The following THRB variants were observed in gnomAD, a reference collection of about 807,000 sequenced individuals.
The protein encoded by THRB is thyroid hormone receptor beta.
Under a neutral mutation model 47.8 loss-of-function variants are expected in THRB, and 12 were observed. The observed-to-expected ratio is 0.25, with a 90% CI of 0.16 to 0.41. The LOEUF (loss-of-function observed/expected upper bound fraction) is 0.41. Among genes scored for constraint, THRB ranks in the 10% least tolerant of loss-of-function variants. The pLI is 1.00. For synonymous variants in THRB, 218 were observed against 212.2 expected, an observed-to-expected ratio of 1.03 and a Z score of -0.24; for missense variants, 348 against 589.2, an observed-to-expected ratio of 0.59 and a Z score of 4.24.
chr3:24,408,409 T>G (rs1290944573), intron 1 of THRB, among the ~76,000 whole-genome samples: 1 of 151,856 alleles, frequency 6.6e-6, no homozygotes, highest in East Asian at 2.0e-4. Flanking sequence ...TATTGTACCA[T>G]TCTGCTGTTG....
At chr3:24,210,926 C>T (rs1395154647) in intron 4 of THRB, among the ~76,000 whole-genome samples, 3 of 151,440 alleles carry the variant, frequency 2.0e-5, no homozygotes, top group African/African-American at 7.3e-5. Context: ...GGGCCAAGTG[C>T]GGTGGCTCAT....
At chr3:24,264,055 C>G (rs936763892) in intron 3 of THRB, among the ~76,000 whole-genome samples, 1 of 152,036 alleles carries the variant, frequency 6.6e-6, no homozygotes, top group African/African-American at 2.4e-5. Flanking sequence ...TCATTTAATC[C>G]CTGGGCACCA....
chr3:24,182,750 A>G (rs2042065009), intron 5 of THRB, among the ~76,000 whole-genome samples: 1 of 152,212 alleles, frequency 6.6e-6, no homozygotes. Flanking sequence ...GACTTGCCCA[A>G]GTTTCAATGG....
At chr3:24,205,663 A>C (rs2045244467) in intron 4 of THRB, among the ~76,000 whole-genome samples, 2 of 152,232 alleles carry the variant, frequency 1.3e-5, no homozygotes, top group Admixed American at 1.3e-4. Context: ...TTAACCTTAA[A>C]TGTAAATGGG....
intron 3 of THRB, among the ~76,000 whole-genome samples, chr3:24,241,867 C>T (rs1020434251): frequency 4.6e-5 from 7 of 152,074 alleles, no homozygotes; most frequent in Non-Finnish European, 1.0e-4. Context: ...TTCTGATGCA[C>T]ACTTGAGTGT....
chr3:24,436,395 C>T (rs185922949), intron 1 of THRB, among the ~76,000 whole-genome samples: 16 of 152,222 alleles, frequency 1.1e-4, no homozygotes, highest in Admixed American at 3.9e-4. Context: ...AAACAAGACA[C>T]GCCTCGATGC....
At chr3:24,317,161 G>A (rs1181732415) in intron 2 of THRB, among the ~76,000 whole-genome samples, 2 of 152,172 alleles carry the variant, frequency 1.3e-5, no homozygotes, top group Non-Finnish European at 2.9e-5. Context: ...ATAGTATGGG[G>A]TCTGTAAGTA....
chr3:24,146,904 T>A, intron 6 of THRB, 82 bp from the exon 7 acceptor site: 1 of 1,316,406 alleles, frequency 7.6e-7, no homozygotes, highest in Non-Finnish European at 1.1e-6. Context: ...TCCATATAAC[T>A]ATGAGATGAA....
At chr3:24,185,179 G>T (rs6786365) in intron 5 of THRB, among the ~76,000 whole-genome samples, 68,742 of 152,002 alleles carry the variant, frequency 0.45, 17,204 homozygotes, top group African/African-American at 0.69. Context: ...GTTTAATAAA[G>T]TATGATACAT....
intron 2 of THRB, among the ~76,000 whole-genome samples, chr3:24,333,913 G>A (rs761600489): frequency 2.0e-5 from 3 of 152,052 alleles, no homozygotes; most frequent in African/African-American, 4.8e-5. Flanking sequence ...TCTTCTTGCC[G>A]TTTCCTAACG....
chr3:24,410,296 G>A (rs959483463), intron 1 of THRB, among the ~76,000 whole-genome samples: 2 of 151,934 alleles, frequency 1.3e-5, no homozygotes, highest in Admixed American at 1.3e-4. Context: ...TCTTCATTCT[G>A]AAATTGAGAC....
At chr3:24,429,087 A>G (rs975869310) in intron 1 of THRB, among the ~76,000 whole-genome samples, 3 of 151,858 alleles carry the variant, frequency 2.0e-5, no homozygotes, top group African/African-American at 7.2e-5. Context: ...ACAATATCCC[A>G]TAAAATAGCC....
intron 3 of THRB, among the ~76,000 whole-genome samples, chr3:24,240,449 C>A (rs2049370461): frequency 6.6e-6 from 1 of 152,194 alleles, no homozygotes; most frequent in South Asian, 2.1e-4. Context: ...CAGATTATCA[C>A]TGGAAATTAC....
rs1020862895 is a variant in THRB, at chr3:24,118,685, T to C, written c.*4199A>G. The C allele has an allele frequency of 6.6e-6, 1 of 152,670 alleles. No homozygotes were observed. Among genetic ancestry groups the C allele is most frequent in the Non-Finnish European group, 1.5e-5 (1 of 68,040 alleles). 9.5% of individuals were successfully genotyped at this position (152,670 alleles called of 1,614,324 possible). A position where few individuals can be genotyped will look rare whatever the true frequency, so the allele number is the denominator to read the frequency against. ...ATAATTTCTGTATCAACAATACATA[T>C]GTAAAGTGTCTCCTTTTGTCTTACA... On this transcript the variant is annotated 3_prime_UTR_variant, in exon 11 of 11. Coordinates refer to ENST00000646209, the MANE Select transcript of THRB (RefSeq NM_001354712.2).
chr3:24,243,480 T>A (rs1156501095), intron 3 of THRB, among the ~76,000 whole-genome samples: 1 of 151,798 alleles, frequency 6.6e-6, no homozygotes, highest in Non-Finnish European at 1.5e-5. Context: ...GCGTCAGGAT[T>A]TTTCCTTGCC....
At chr3:24,277,210 T>C (rs2054012657) in intron 3 of THRB, among the ~76,000 whole-genome samples, 2 of 152,186 alleles carry the variant, frequency 1.3e-5, no homozygotes, top group Non-Finnish European at 2.9e-5. Context: ...CCAGGGTTCA[T>C]CTGGCAATGT....
At chr3:24,345,126 C>T (rs1440008545) in intron 1 of THRB, among the ~76,000 whole-genome samples, 1 of 152,120 alleles carries the variant, frequency 6.6e-6, no homozygotes, top group African/African-American at 2.4e-5. Context: ...ACATCTCTTC[C>T]GCTGGGTAAT....
chr3:24,372,155 G>A lies in THRB; in HGVS notation c.-260-34784C>T, dbSNP rs115989123. On this transcript the variant is annotated intron_variant, in intron 1 of 10. Transcript: ENST00000646209. ...ACACTGAGGCTTAAAATATTTAGGA[G>A]TAGGAGTACTGGGTGTATAATTCAA... 4.4e-3 allele frequency among the ~76,000 whole-genome samples: 674 copies of A among 152,180 alleles called. 3 individuals are homozygous for A. The highest frequency in any genetic ancestry group is 0.02 in the Middle Eastern group (6 of 294).
intron 4 of THRB, among the ~76,000 whole-genome samples, chr3:24,194,698 C>T (rs1189405236): frequency 1.3e-5 from 2 of 152,070 alleles, no homozygotes; most frequent in Non-Finnish European, 2.9e-5. Flanking sequence ...AAACATAAAT[C>T]GCATTAACAT....
Sources: allele counts gnomAD v4.1 joint callset (sites outside exome capture counted in the v4.1 genomes callset), GRCh38; gene constraint gnomAD v4.1.1; transcripts MANE v1.5; gene names NCBI Gene and HGNC (gene_info 2026-07-23, HGNC 2026-07-21).